The following TRAPPC12 variants were observed in gnomAD, a reference collection of about 807,000 sequenced individuals.
The protein encoded by TRAPPC12 is trafficking protein particle complex subunit 12.
TRAPPC12 carries 61 observed loss-of-function variants against 69.2 expected under a neutral mutation model. That is an observed-to-expected ratio of 0.88 (90% CI 0.72 to 1.09). TRAPPC12 has a LOEUF of 1.09. Ranked by LOEUF, TRAPPC12 falls within the 50% of genes least tolerant of loss-of-function variation. The pLI is 0.00. For missense variants in TRAPPC12, 1,101 were observed against 1,016.4 expected, an observed-to-expected ratio of 1.08 and a Z score of -1.13; for synonymous variants, 469 against 438.9, an observed-to-expected ratio of 1.07 and a Z score of -0.86.
intron 6 of TRAPPC12, among the ~76,000 whole-genome samples, chr2:3,452,898 T>A (rs533296096): frequency 6.6e-6 from 1 of 152,362 alleles, no homozygotes; most frequent in African/African-American, 2.4e-5. Context: ...CCATTCAGCA[T>A]CTTTAAAGCT....
At chr2:3,392,932 T>C (rs1012043602) in intron 2 of TRAPPC12, among the ~76,000 whole-genome samples, 8 of 152,154 alleles carry the variant, frequency 5.3e-5, no homozygotes, top group Non-Finnish European at 5.9e-5. Flanking sequence ...TCAACCTAAG[T>C]GCCTATCGAC....
At chr2:3,457,546 A>C (rs377069191) in intron 6 of TRAPPC12, 75 bp from the exon 7 acceptor site, 3 of 1,208,146 alleles carry the variant, frequency 2.5e-6, no homozygotes, top group African/African-American at 2.9e-5. Flanking sequence ...TGCTGTACTG[A>C]GATTATATTA....
At chr2:3,464,436 A>G (rs1350969772) in intron 8 of TRAPPC12, among the ~76,000 whole-genome samples, 1 of 151,766 alleles carries the variant, frequency 6.6e-6, no homozygotes, top group Non-Finnish European at 1.5e-5. Flanking sequence ...GTAACATCCC[A>G]ATTAGCAAGC....
intron 10 of TRAPPC12, chr2:3,478,628 C>T: frequency 2.0e-6 from 1 of 495,486 alleles, no homozygotes; most frequent in Non-Finnish European, 3.6e-6. Flanking sequence ...GAGCAAAACT[C>T]CATCTAAAAA....
rs76474659 is a variant in TRAPPC12, at chr2:3,421,210, G to A, written c.1165-671G>A. 3.9e-5 allele frequency among the ~76,000 whole-genome samples: 6 copies of A among 152,334 alleles called. No individual in the cohort carries two copies. In the East Asian group the frequency reaches 7.7e-4, roughly 20 times the overall value. On this transcript the variant is annotated intron_variant, in intron 3 of 11. Coordinates refer to ENST00000324266, the MANE Select transcript of TRAPPC12 (RefSeq NM_016030.6). ...TTTCCCATTCATTTGCCTAATGGCT[G>A]TCCTTTCTGTATTGCACAAGGGCAA...
At chr2:3,471,079 C>T (rs930976913) in intron 9 of TRAPPC12, among the ~76,000 whole-genome samples, 4 of 152,190 alleles carry the variant, frequency 2.6e-5, no homozygotes, top group Admixed American at 6.5e-5. Flanking sequence ...CCCGGTCACA[C>T]GAGAAGATAC....
At chr2:3,460,638 C>G (rs1665437551) in intron 8 of TRAPPC12, 1 of 350,478 alleles carries the variant, frequency 2.9e-6, no homozygotes, top group African/African-American at 2.1e-5. Flanking sequence ...TGAACTCCAT[C>G]CCCAGAAGGT....
At chr2:3,421,698 A>G (rs548749530) in intron 3 of TRAPPC12, 183 bp from the exon 4 acceptor site, 2 of 717,732 alleles carry the variant, frequency 2.8e-6, no homozygotes, top group Non-Finnish European at 5.2e-6. Flanking sequence ...TTACACGTGC[A>G]GCGTTGACAA....
chr2:3,403,660 A>G (rs1460237282), intron 3 of TRAPPC12, among the ~76,000 whole-genome samples: 1 of 152,270 alleles, frequency 6.6e-6, no homozygotes, highest in African/African-American at 2.4e-5. Context: ...GAACTAAAAC[A>G]GAAAATGAGA....
At chr2:3,393,491 C>T (rs182892082) in intron 2 of TRAPPC12, among the ~76,000 whole-genome samples, 6 of 152,120 alleles carry the variant, frequency 3.9e-5, no homozygotes, top group Non-Finnish European at 7.4e-5. Context: ...TTTAAGTGTC[C>T]TCACCACCCT....
At chr2:3,420,368 ACACGC>A (rs1662708760) in intron 3 of TRAPPC12, among the ~76,000 whole-genome samples, 1 of 136,722 alleles carries the variant, frequency 7.3e-6, no homozygotes, top group Non-Finnish European at 1.7e-5. Context: ...CTAGGCACGC[ACACGC>A]TGACTCTGGA....
At chr2:3,461,575 C>T (rs1665503903) in intron 8 of TRAPPC12, among the ~76,000 whole-genome samples, 1 of 152,244 alleles carries the variant, frequency 6.6e-6, no homozygotes, top group South Asian at 2.1e-4. Context: ...CAGCTCTCTC[C>T]TCTCCTTCAA....
intron 3 of TRAPPC12, among the ~76,000 whole-genome samples, chr2:3,403,836 T>C (rs1486185841): frequency 2.6e-5 from 4 of 152,194 alleles, no homozygotes. Flanking sequence ...CACCTCTGCC[T>C]CTGTATTTGA....
At chr2:3,424,250 G>A (rs1177209668) in intron 4 of TRAPPC12, among the ~76,000 whole-genome samples, 1 of 152,158 alleles carries the variant, frequency 6.6e-6, no homozygotes, top group African/African-American at 2.4e-5. Flanking sequence ...ACAGGGTCTC[G>A]CTATGTTGCC....
At chr2:3,421,135 G>A (rs997772111) in intron 3 of TRAPPC12, among the ~76,000 whole-genome samples, 12 of 152,208 alleles carry the variant, frequency 7.9e-5, no homozygotes, top group Admixed American at 2.0e-4. Flanking sequence ...AAAAGACAGA[G>A]TGAGCATCCA....
chr2:3,457,734 A>G (rs1256353099), intron 7 of TRAPPC12, 41 bp downstream of exon 7: 2 of 1,604,290 alleles, frequency 1.2e-6, no homozygotes, highest in African/African-American at 1.3e-5. Flanking sequence ...CTTCTCGGAC[A>G]TCACTGACAG....
In TRAPPC12 at chr2:3,445,774, A is replaced by G. The variant is rs6756794; in HGVS notation, c.1530+1883A>G. 7.1e-3 allele frequency among the ~76,000 whole-genome samples: 1,086 copies of G among 152,348 alleles called. 14 individuals are homozygous for G. The highest frequency in any genetic ancestry group is 0.025 in the African/African-American group (1,039 of 41,570). On this transcript the variant is annotated intron_variant, in intron 6 of 11. Coordinates refer to ENST00000324266, the MANE Select transcript of TRAPPC12 (RefSeq NM_016030.6). ...TATAACATGTCCCGTTTGAAGACAG[A>G]AGGACCGAGAGTCCTCTCTTCCACC...
intron 5 of TRAPPC12, among the ~76,000 whole-genome samples, chr2:3,428,998 G>A (rs1243215133): frequency 1.3e-5 from 2 of 152,104 alleles, no homozygotes; most frequent in Non-Finnish European, 2.9e-5. Context: ...TCCATCCCTA[G>A]AACCCAGGGC....
chr2:3,385,956 G>A (rs1488953896), intron 1 of TRAPPC12, among the ~76,000 whole-genome samples: 1 of 152,200 alleles, frequency 6.6e-6, no homozygotes, highest in Non-Finnish European at 1.5e-5. Context: ...CGGGCTCCCG[G>A]TGAAACATGG....
Sources: gnomAD v4.1 joint callset for allele counts (sites outside exome capture counted in the v4.1 genomes callset) on GRCh38, gnomAD v4.1.1 for gene constraint, MANE v1.5 for transcripts, NCBI Gene and HGNC (gene_info 2026-07-23, HGNC 2026-07-21) for gene names.